WWOX: variants seen among roughly 807,000 people sequenced by gnomAD.
WWOX encodes WW domain containing oxidoreductase.
Under a neutral mutation model 46.2 loss-of-function variants are expected in WWOX, and 69 were observed. The observed-to-expected ratio is 1.49, with a 90% CI of 1.23 to 1.82. The LOEUF is 1.82. WWOX is among the 40% of genes most tolerant of loss of function. The pLI, the probability that WWOX is intolerant of heterozygous loss-of-function variation, is 0.00. For synonymous variants in WWOX, 359 were observed against 202.6 expected, an observed-to-expected ratio of 1.77 and a Z score of -6.56; for missense variants, 919 against 542.6, an observed-to-expected ratio of 1.69 and a Z score of -6.89.
intron 8 of WWOX, among the ~76,000 whole-genome samples, chr16:78,660,557 A>G (rs1373700094): frequency 6.6e-6 from 1 of 152,002 alleles, no homozygotes; most frequent in African/African-American, 2.4e-5. Context: ...GGTCCTGCAA[A>G]AGTGTTTACT....
chr16:78,215,811 A>T (rs2036701137), intron 5 of WWOX, among the ~76,000 whole-genome samples: 1 of 152,004 alleles, frequency 6.6e-6, no homozygotes, highest in African/African-American at 2.4e-5. Context: ...CTGTAATCCC[A>T]GCTATTTGGG....
chr16:79,076,858 T>G (rs915004880), intron 8 of WWOX, among the ~76,000 whole-genome samples: 1 of 152,244 alleles, frequency 6.6e-6, no homozygotes, highest in Admixed American at 6.5e-5. Context: ...GGCTAACATG[T>G]ATCAGACGCT....
chr16:78,888,688 A>C (rs1199459013), intron 8 of WWOX, among the ~76,000 whole-genome samples: 1 of 152,178 alleles, frequency 6.6e-6, no homozygotes, highest in African/African-American at 2.4e-5. Context: ...TTGTGGCTGG[A>C]TGTAGAATCC....
At chr16:78,924,361 C>G (rs986614154) in intron 8 of WWOX, among the ~76,000 whole-genome samples, 4 of 152,154 alleles carry the variant, frequency 2.6e-5, no homozygotes, top group Non-Finnish European at 5.9e-5. Flanking sequence ...TTGCTGCCAT[C>G]ATATCATCAT....
intron 1 of WWOX, chr16:78,100,320 A>G: frequency 2.2e-6 from 2 of 907,154 alleles, no homozygotes; most frequent in Non-Finnish European, 1.4e-6. Context: ...GGGTGCCATC[A>G]TAGCCCACTG....
intron 8 of WWOX, among the ~76,000 whole-genome samples, chr16:78,831,055 G>C (rs1354895173): frequency 1.3e-5 from 2 of 152,208 alleles, no homozygotes; most frequent in African/African-American, 2.4e-5. Context: ...TGTTTTGGGA[G>C]TGAATTCTGT....
chr16:78,525,108 C>G (rs1390354453), intron 8 of WWOX: 3 of 151,538 alleles, frequency 2.0e-5, no homozygotes, highest in Non-Finnish European at 4.4e-5. Flanking sequence ...TCAAGCGGTC[C>G]TCCTGCCTTG....
intron 8 of WWOX, among the ~76,000 whole-genome samples, chr16:78,616,410 G>A (rs752001228): frequency 1.6e-4 from 24 of 152,058 alleles, no homozygotes; most frequent in Non-Finnish European, 1.8e-4. Context: ...TGATCTCATA[G>A]GTGTCCATCT....
At chr16:78,420,784 C>T (rs2082909340) in intron 6 of WWOX, among the ~76,000 whole-genome samples, 1 of 151,100 alleles carries the variant, frequency 6.6e-6, no homozygotes, top group Non-Finnish European at 1.5e-5. Flanking sequence ...CATTATATTT[C>T]AGTAAAGTTC....
intron 8 of WWOX, among the ~76,000 whole-genome samples, chr16:79,039,873 G>A (rs1358824208): frequency 6.6e-6 from 1 of 152,280 alleles, no homozygotes; most frequent in Non-Finnish European, 1.5e-5. Flanking sequence ...GCTTCTTCCA[G>A]GAAGCCACAT....
chr16:78,188,045 T>A (rs1367460356), intron 5 of WWOX, among the ~76,000 whole-genome samples: 2 of 152,214 alleles, frequency 1.3e-5, no homozygotes, highest in Non-Finnish European at 2.9e-5. Context: ...CTTGGGATTG[T>A]GTGGTTTCTT....
intron 8 of WWOX, among the ~76,000 whole-genome samples, chr16:78,828,855 A>G (rs1221650248): frequency 1.3e-5 from 2 of 152,150 alleles, no homozygotes; most frequent in South Asian, 4.1e-4. Flanking sequence ...TTTGAGCAGC[A>G]TTTTCTGCAT....
chr16:78,633,896 GTT>G (rs4035834), intron 8 of WWOX, among the ~76,000 whole-genome samples: 15 of 134,604 alleles, frequency 1.1e-4, no homozygotes, highest in Non-Finnish European at 1.1e-4. Context: ...CATCTGAGGT[GTT>G]TTTTTTTTTT....
At chr16:78,384,031 C>T (rs1235337947) in intron 5 of WWOX, among the ~76,000 whole-genome samples, 1 of 152,198 alleles carries the variant, frequency 6.6e-6, no homozygotes, top group East Asian at 1.9e-4. Context: ...GAAGACTGGG[C>T]TAGTTGGCTG....
intron 4 of WWOX, among the ~76,000 whole-genome samples, chr16:78,157,298 G>A (rs984635266): frequency 2.6e-5 from 4 of 152,142 alleles, no homozygotes; most frequent in Non-Finnish European, 5.9e-5. Context: ...CAGTCAGCAA[G>A]ACTTTGTTCG....
intron 8 of WWOX, among the ~76,000 whole-genome samples, chr16:79,189,934 A>C (rs1384737335): frequency 1.1e-5 from 1 of 91,232 alleles, no homozygotes; most frequent in African/African-American, 3.7e-5. Context: ...GGGGTGGGGA[A>C]GGGGGGGGGG....
chr16:78,422,714 C>A (rs1176687964), intron 6 of WWOX, among the ~76,000 whole-genome samples: 4 of 108,414 alleles, frequency 3.7e-5, no homozygotes, highest in African/African-American at 1.4e-4. Flanking sequence ...TATATATACA[C>A]ACACACATAT....
At chr16:78,440,711 C>T (rs943762415) in intron 8 of WWOX, among the ~76,000 whole-genome samples, 1 of 151,880 alleles carries the variant, frequency 6.6e-6, no homozygotes, top group Non-Finnish European at 1.5e-5. Context: ...CCGCGCCTCC[C>T]CAGTTCAAGC....
chr16:78,911,820 C>A (rs151275818), intron 8 of WWOX, among the ~76,000 whole-genome samples: 3 of 152,158 alleles, frequency 2.0e-5, no homozygotes, highest in Non-Finnish European at 4.4e-5. Context: ...GAGCTGAGAT[C>A]ACGCTGATGC....
Sources: gnomAD v4.1 joint callset for allele counts (sites outside exome capture counted in the v4.1 genomes callset) on GRCh38, gnomAD v4.1.1 for gene constraint, MANE v1.5 for transcripts, NCBI Gene and HGNC (gene_info 2026-07-23, HGNC 2026-07-21) for gene names.